TNRC6C: variants seen among roughly 807,000 people sequenced by gnomAD.
The protein encoded by TNRC6C is trinucleotide repeat-containing gene 6C protein.
In TNRC6C, 20 loss-of-function variants were observed where a neutral mutation model predicts 153.7. The ratio of observed to expected loss-of-function variants is 0.13; its 90% CI spans 0.09 to 0.19. The LOEUF (loss-of-function observed/expected upper bound fraction) is 0.19, where lower values mean the gene tolerates loss of function less well. TNRC6C is among the 10% of genes least tolerant of loss of function. The pLI is 1.00. For synonymous variants in TNRC6C, 811 were observed against 841.4 expected, an observed-to-expected ratio of 0.96 and a Z score of 0.63; for missense variants, 1,987 against 2,172.0, an observed-to-expected ratio of 0.91 and a Z score of 1.69.
chr17:77,972,095 A>G (rs1212104049), intron 1 of TNRC6C, among the ~76,000 whole-genome samples: 1 of 152,210 alleles, frequency 6.6e-6, no homozygotes, highest in Non-Finnish European at 1.5e-5. Flanking sequence ...ATAGAAACAT[A>G]AAAACAATAG....
chr17:78,023,695 A>C (rs1341708682), intron 1 of TNRC6C, among the ~76,000 whole-genome samples: 1 of 152,164 alleles, frequency 6.6e-6, no homozygotes, highest in Non-Finnish European at 1.5e-5. Context: ...CGTCCTAGCC[A>C]CTTGGGAGGC....
intron 1 of TNRC6C, among the ~76,000 whole-genome samples, chr17:77,988,173 G>A (rs1598653429): frequency 6.6e-6 from 1 of 152,110 alleles, no homozygotes; most frequent in Non-Finnish European, 1.5e-5. Context: ...GCAACAGGGT[G>A]AGACTCCGTC....
intron 3 of TNRC6C, among the ~76,000 whole-genome samples, chr17:78,053,920 G>A (rs2072590539): frequency 6.6e-6 from 1 of 152,130 alleles, no homozygotes; most frequent in Non-Finnish European, 1.5e-5. Flanking sequence ...GTCATGCATA[G>A]CTTAACAATG....
intron 1 of TNRC6C, among the ~76,000 whole-genome samples, chr17:77,968,427 C>T (rs556698664): frequency 2.0e-5 from 3 of 151,400 alleles, no homozygotes; most frequent in East Asian, 2.0e-4. Flanking sequence ...CTGCAACCTC[C>T]GCCTCCCGGG....
chr17:77,978,229 A>ATGC (rs1423035675), intron 1 of TNRC6C, among the ~76,000 whole-genome samples: 1 of 152,196 alleles, frequency 6.6e-6, no homozygotes, highest in Admixed American at 6.5e-5. Flanking sequence ...TTTGAGACAA[A>ATGC]TGCAACAGCA....
chr17:77,959,720 C>T (rs1312841597), intron 1 of TNRC6C, among the ~76,000 whole-genome samples: 1 of 152,070 alleles, frequency 6.6e-6, no homozygotes, highest in East Asian at 1.9e-4. Flanking sequence ...AGAAGGACCC[C>T]TGGGCGCTCT....
At chr17:78,028,605 G>A (rs2071993145) in intron 1 of TNRC6C, among the ~76,000 whole-genome samples, 1 of 152,180 alleles carries the variant, frequency 6.6e-6, no homozygotes, top group Admixed American at 6.5e-5. Flanking sequence ...CGTTCACATG[G>A]TAGATGGCCA....
At chr17:78,098,388 C>A (rs761053571) in exon 17 of TNRC6C, 1 of 1,613,878 alleles carries the variant, frequency 6.2e-7, no homozygotes, top group Admixed American at 1.7e-5. Flanking sequence ...GGCCCTACCT[C>A]CCACACGCAA....
chr17:78,067,757 C>G (rs931680525), exon 5 of TNRC6C: 5 of 1,603,866 alleles, frequency 3.1e-6, no homozygotes, highest in East Asian at 4.5e-5. Flanking sequence ...CTGTTTCTAG[C>G]TTCAAAATCT....
Position 78,083,135 on chromosome 17 carries a change from C to T in TNRC6C, c.3446C>T (p.Thr1149Met), listed in dbSNP as rs201770136. 353 of 1,613,808 alleles carry T rather than the reference C, an allele frequency of 2.2e-4. No individual in the cohort carries two copies. Among genetic ancestry groups the T allele is most frequent in the Non-Finnish European group, 2.7e-4 (323 of 1,179,910 alleles). The stretch of plus-strand genomic sequence containing the variant: ...TCGCCAATTAATCCTCAACATATGA[C>T]GATGTTGAACCAGCTCTATCAGCTG... The change falls in exon 11 of 20, where the codon ACG (threonine) becomes ATG (methionine). Residue 1149 changes from threonine to methionine, a missense_variant. Around this residue, in one of 4 missense-constraint regions of TNRC6C, gnomAD observed 765 missense variants for 908.6 expected, o/e 0.84. Coordinates refer to ENST00000301624, the Ensembl canonical transcript of TNRC6C.
rs1384406518 is a variant in TNRC6C at position 78,077,180 on chromosome 17, A to G, written c.3061-5A>G. On this transcript the variant is annotated splice_polypyrimidine_tract_variant and splice_region_variant and intron_variant, in intron 8 of 19. Transcript: ENST00000301624. The stretch of plus-strand genomic sequence containing the variant: ...ACACAGCTCACCCTTTCTTTCTCCA[A>G]TCAGGATGGCGGCCTCGTGGAAGAG... The G allele has an allele frequency of 4.4e-6, 7 of 1,598,490 alleles. No homozygotes were observed. The highest frequency in any genetic ancestry group is 5.1e-6 in the Non-Finnish European group (6 of 1,173,452).
At position 78,049,046 on chromosome 17, in the gene TNRC6C, G is replaced by T; in HGVS notation, c.-17G>T. On this transcript the variant is annotated 5_prime_UTR_variant, in exon 3 of 20. Transcript: ENST00000301624. The surrounding 1 kb of genome is among the most constrained non-coding windows in gnomAD (Gnocchi z 4.1). ...GACACTGACTCTGCCTCCAACTGTG[G>T]CTCAGAGAACAGTAGCATGGCTACA... 1 of 1,500,140 alleles carries T rather than the reference G, an allele frequency of 6.7e-7. No individual in the cohort carries two copies. The highest frequency in any genetic ancestry group is 8.9e-7 in the Non-Finnish European group (1 of 1,124,772). The allele number at this position is 1,500,140 out of a possible 1,614,324, so 92.9% of individuals were successfully genotyped here.
intron 11 of TNRC6C, among the ~76,000 whole-genome samples, chr17:78,085,406 A>AGT (rs2073262367): frequency 6.6e-6 from 1 of 152,212 alleles, no homozygotes; most frequent in Non-Finnish European, 1.5e-5. Context: ...GATTCACTTA[A>AGT]GTGGGGTATT....
Position 78,104,675 on chromosome 17 carries a change from GC to G in TNRC6C, c.4907del (p.Pro1636ArgfsTer34). ...ACGCAGCGACGCTGGCCACTGGAAC[GC>G]CCCGTGCCTGGGTGGCAAGGGGAGC... On this transcript the variant is annotated frameshift_variant, in exon 20 of 20. Transcript: ENST00000301624. LOFTEE classifies it high-confidence loss of function. The surrounding 1 kb of genome is among the most constrained non-coding windows in gnomAD (Gnocchi z 6.2). 1 of 1,542,468 alleles carries G rather than the reference GC, an allele frequency of 6.5e-7. No homozygotes were observed.
exon 1 of TNRC6C, chr17:78,005,077 A>C (rs894112378): frequency 8.1e-7 from 1 of 1,230,006 alleles, no homozygotes; most frequent in African/African-American, 1.6e-5. Flanking sequence ...CAAAAAACCA[A>C]AGGTAAGTTT....
intron 1 of TNRC6C, among the ~76,000 whole-genome samples, chr17:77,979,785 A>G (rs1220537190): frequency 6.6e-6 from 1 of 151,928 alleles, no homozygotes; most frequent in African/African-American, 2.4e-5. Context: ...GAGAGGAAAA[A>G]TTGCCAAAAC....
intron 1 of TNRC6C, among the ~76,000 whole-genome samples, chr17:77,995,545 C>T (rs2071314993): frequency 6.6e-6 from 1 of 152,196 alleles, no homozygotes; most frequent in Non-Finnish European, 1.5e-5. Context: ...TTGGGAAAAG[C>T]ATTATGCTTA....
Position 78,051,707 on chromosome 17 carries a change from G to A in TNRC6C, c.2395+250G>A, listed in dbSNP as rs558556177. Among the ~76,000 whole-genome samples the A allele has an allele frequency of 3.9e-5, 6 of 152,262 alleles. 1 individual carries two copies. Among genetic ancestry groups the A allele is most frequent in the African/African-American group, 1.4e-4 (6 of 41,560 alleles). On this transcript the variant is annotated intron_variant, in intron 3 of 19. Transcript: ENST00000301624. ...AACATCAAGCGAATGTTTTGGTGGT[G>A]GCGGTGGTGGCCTGGGGTGGAGATG...
intron 1 of TNRC6C, among the ~76,000 whole-genome samples, chr17:78,013,456 C>T (rs1156617467): frequency 6.6e-6 from 1 of 152,174 alleles, no homozygotes; most frequent in African/African-American, 2.4e-5. Context: ...AACTTAGAAA[C>T]TAACTGAGCT....
Sources: allele counts gnomAD v4.1 joint callset (sites outside exome capture counted in the v4.1 genomes callset), GRCh38; gene constraint gnomAD v4.1.1; regional missense constraint gnomAD v4.1.1; non-coding constraint Gnocchi (gnomAD v3.1); transcripts MANE v1.5; gene names NCBI Gene and HGNC (gene_info 2026-07-23, HGNC 2026-07-21).